TMPRSS5: variants seen among roughly 807,000 people sequenced by gnomAD.
The protein encoded by TMPRSS5 is transmembrane protease serine 5.
TMPRSS5 carries 45 observed loss-of-function variants against 59.7 expected under a neutral mutation model. The observed-to-expected ratio is 0.75, with a 90% confidence interval of 0.59 to 0.97. The LOEUF is 0.97. Among genes scored for constraint, TMPRSS5 ranks in the 50% least tolerant of loss-of-function variants. The pLI, the probability that TMPRSS5 is intolerant of heterozygous loss-of-function variation, is 0.00. For missense variants in TMPRSS5, 585 were observed against 596.7 expected (o/e 0.98, Z 0.20); for synonymous variants, 225 against 232.0 (o/e 0.97, Z 0.27).
chr11:113,699,219 C>T (rs1369498538), intron 3 of TMPRSS5, among the ~76,000 whole-genome samples, 192 bp from the exon 4 acceptor site: 1 of 26,774 alleles, frequency 3.7e-5, no homozygotes, highest in Non-Finnish European at 6.8e-5. Context: ...CTGTCTCTCT[C>T]TCTCTCTCTC....
intron 4 of TMPRSS5, among the ~76,000 whole-genome samples, chr11:113,698,163 AC>A (rs1952982410): frequency 6.6e-6 from 1 of 152,148 alleles, no homozygotes; most frequent in Admixed American, 6.6e-5. Flanking sequence ...ATTCCACAGC[AC>A]CTTGATCTTG....
Position 113,706,215 on chromosome 11 carries a change from A to T in TMPRSS5, c.3+7T>A, listed in dbSNP as rs1295453693. On this transcript the variant is annotated splice_region_variant and intron_variant, in intron 1 of 12. Transcript: ENST00000299882. ...ACAGCAGGGATGGCACAGAGACGTA[A>T]CCTTACCATAGGGGTCAGTGGCACT... is the stretch of plus-strand genomic sequence containing the variant. 8 of 1,600,936 alleles carry T rather than the reference A, an allele frequency of 5.0e-6. No homozygotes were observed. The Admixed American group carries it at 5.2e-5, about 10-fold the overall frequency.
intron 11 of TMPRSS5, 25 bp from the exon 12 acceptor site, chr11:113,689,942 CAG>C: frequency 6.6e-7 from 1 of 1,519,382 alleles, no homozygotes; most frequent in Admixed American, 2.1e-5. Context: ...CATGGAGACA[CAG>C]AGAAACAGCC....
chr11:113,699,673 G>T lies in TMPRSS5; in HGVS notation c.127C>A (p.Arg43Ser), dbSNP rs771917263. 3 of 1,580,162 alleles carry T rather than the reference G, an allele frequency of 1.9e-6. No homozygotes were observed. Among genetic ancestry groups the T allele is most frequent in the East Asian group, 2.3e-5 (1 of 43,014 alleles). The change falls in exon 3 of 13, where the codon CGT becomes AGT. Residue 43 changes from arginine to serine, a missense_variant. By Grantham distance (110) the Arg-to-Ser change is moderately radical (BLOSUM62 -1). Transcript: ENST00000299882. Reference protein sequence around the residue: ...QHPISQAVCWRSMRRGCAVLG... With the variant: ...QHPISQAVCWSSMRRGCAVLG... ...ACTGCACAGCCACGTCGCATGGAACGCCAGCACACTGCCTGAGAAACTGTG... is the reference window on the plus strand; with the variant it reads ...ACTGCACAGCCACGTCGCATGGAACTCCAGCACACTGCCTGAGAAACTGTG...
intron 12 of TMPRSS5, 23 bp downstream of exon 12, chr11:113,689,742 C>T (rs376449001): frequency 3.7e-6 from 6 of 1,604,258 alleles, no homozygotes; most frequent in Non-Finnish European, 5.1e-6. Flanking sequence ...ATCTCCCTGC[C>T]CTACTCCTGC....
Position 113,699,203 on chromosome 11 carries a change from GTCTGTCTGTCTCTCTCTCTCTCTCTC to G in TMPRSS5, c.206-202_206-177del, listed in dbSNP as rs1953021124. On this transcript the variant is annotated intron_variant, in intron 3 of 12. Transcript: ENST00000299882. The stretch of plus-strand genomic sequence containing the variant: ...ATCTCTGCCTCTTTGACTCTCCTTT[GTCTGTCTGTCTCTCTCTCTCTCTCTC>G]TCTCTCTCTCTCTCTCTCTCTCTCT... 8.2e-5 allele frequency among the ~76,000 whole-genome samples: 3 copies of G among 36,412 alleles called. 1 individual carries two copies. Among genetic ancestry groups the G allele is most frequent in the African/African-American group, 4.8e-4 (3 of 6,232 alleles). 23.9% of individuals were successfully genotyped at this position (36,412 alleles called of 152,430 possible).
intron 7 of TMPRSS5, among the ~76,000 whole-genome samples, chr11:113,695,026 G>A (rs1952888943): frequency 6.6e-6 from 1 of 151,904 alleles, no homozygotes; most frequent in African/African-American, 2.4e-5. Context: ...TTTGGTACCT[G>A]ATTCACCACC....
chr11:113,688,403 C>T, intron 12 of TMPRSS5, 129 bp from the exon 13 acceptor site: 1 of 663,460 alleles, frequency 1.5e-6, no homozygotes, highest in South Asian at 1.9e-5. Context: ...CTAAAAATAT[C>T]TGCTGCTCAA....
chr11:113,696,945 A>G lies in TMPRSS5; in HGVS notation c.491T>C (p.Leu164Pro), dbSNP rs761287679. ...GGAACTGTTGAGTTTGATGTCAGTG[A>G]GGTTTACTCCCTTGTGGTGAGTGAG... ...LRLTHHKGVN[L>P]TDIKLNSSQE... The change falls in exon 6 of 13, where the codon CTC becomes CCC. Residue 164 changes from leucine to proline, a missense_variant. Coordinates refer to ENST00000299882, the MANE Select transcript of TMPRSS5 (RefSeq NM_030770.4). 2 of 1,579,460 alleles carry G rather than the reference A, an allele frequency of 1.3e-6. No homozygotes were observed. The highest frequency in any genetic ancestry group is 3.6e-5 in the Admixed American group (2 of 54,934).
In TMPRSS5 at chr11:113,691,892, C is replaced by CTTTTTTTTTTTTTTTTTTTTTTT. The variant is rs58784708; in HGVS notation, c.965-954_965-953insAAAAAAAAAAAAAAAAAAAAAAA. On this transcript the variant is annotated intron_variant, in intron 9 of 12. Transcript: ENST00000299882. ...AGAAAGTTTTCTTTTCCTTTTTTTT[C>CTTTTTTTTTTTTTTTTTTTTTTT]TTTTTTTTTTTTTGAGACGGAGTCT... Among the ~76,000 whole-genome samples, 120 of 121,096 alleles carry CTTTTTTTTTTTTTTTTTTTTTTT rather than the reference C, an allele frequency of 9.9e-4. 3 individuals are homozygous for CTTTTTTTTTTTTTTTTTTTTTTT. The highest frequency in any genetic ancestry group is 2.8e-3 in the African/African-American group (77 of 27,486). The allele number at this position is 121,096 out of a possible 152,430, so 79.4% of individuals were successfully genotyped here.
intron 11 of TMPRSS5, 35 bp from the exon 12 acceptor site, chr11:113,689,952 G>T: frequency 6.6e-7 from 1 of 1,510,608 alleles, no homozygotes; most frequent in Non-Finnish European, 8.9e-7. Flanking sequence ...CAGAGAAACA[G>T]CCAGTTAGTT....
chr11:113,699,605 T>C lies in TMPRSS5; in HGVS notation c.195A>G (p.Ser65=), dbSNP rs1393718889. The change falls in exon 3 of 13, where the codon TCA becomes TCG. Residue 65 remains serine (S), a synonymous_variant. Coordinates refer to ENST00000299882, the MANE Select transcript of TMPRSS5 (RefSeq NM_030770.4). ...LGLLAGAGVG[S]WLLVLYLCPA... Reference sequence around the variant, plus strand: ...GCCCCCAGCACTGACCTAGGAGCCATGAGCCAACACCTGCACCGGCCAGCA... The same window carrying C: ...GCCCCCAGCACTGACCTAGGAGCCACGAGCCAACACCTGCACCGGCCAGCA... 1.9e-6 allele frequency: 3 copies of C among 1,576,250 alleles called. No individual in the cohort carries two copies. In the South Asian group the frequency reaches 3.5e-5, roughly 18 times the overall value.
At chr11:113,705,964 G>A (rs768614774) in intron 1 of TMPRSS5, among the ~76,000 whole-genome samples, 4 of 152,184 alleles carry the variant, frequency 2.6e-5, no homozygotes, top group Non-Finnish European at 5.9e-5. Flanking sequence ...GAAGTTCAAC[G>A]TAATAACGAT....
At chr11:113,699,223 C>T (rs916899477) in intron 3 of TMPRSS5, among the ~76,000 whole-genome samples, 196 bp from the exon 4 acceptor site, 1 of 39,218 alleles carries the variant, frequency 2.5e-5, no homozygotes, top group Non-Finnish European at 4.5e-5. Flanking sequence ...CTCTCTCTCT[C>T]TCTCTCTCTC....
rs765015736 is a variant in TMPRSS5 at position 113,690,277 on chromosome 11, CG to C, written c.1159del (p.Arg387AlafsTer23). 3 of 1,567,126 alleles carry C rather than the reference CG, an allele frequency of 1.9e-6. No individual in the cohort carries two copies. Among genetic ancestry groups the C allele is most frequent in the South Asian group, 1.2e-5 (1 of 84,688 alleles). ...GTCCAGGTAGCCAGCGCAAAGCATG[CG>C]GGGGGTGAGGGCTCCGCTGTACACG... ...SCVYSGALTP[R>X]MLCAGYLDGR... On this transcript the variant is annotated frameshift_variant, in exon 11 of 13. Coordinates refer to ENST00000299882, the MANE Select transcript of TMPRSS5 (RefSeq NM_030770.4). LOFTEE classifies it high-confidence loss of function.
At chr11:113,696,382 T>C (rs977564441) in intron 6 of TMPRSS5, among the ~76,000 whole-genome samples, 2 of 152,164 alleles carry the variant, frequency 1.3e-5, no homozygotes, top group African/African-American at 4.8e-5. Flanking sequence ...TAGGAGACTC[T>C]CCAGACTACA....
rs1419579472 is a variant in TMPRSS5, at chr11:113,694,533, C to A, written c.730G>T (p.Gly244Trp). The change falls in exon 8 of 13, where the codon GGG becomes TGG. Residue 244 changes from glycine (G) to tryptophan (W), a missense_variant. Coordinates refer to ENST00000299882, the MANE Select transcript of TMPRSS5 (RefSeq NM_030770.4). ...CAGCGTGGCGCTAGCACAGAGCCCC[C>A]ACACGTGTGCCGGAAGCCCAGGGCC... ...SVALGFRHTC[G>W]GSVLAPRWVV... is the part of the protein sequence containing the mutation. The A allele has an allele frequency of 5.1e-6, 8 of 1,561,352 alleles. No homozygotes were observed. The South Asian group carries it at 7.1e-5, about 14-fold the overall frequency.
Position 113,689,871 on chromosome 11 carries a change from C to G in TMPRSS5, c.1253G>C (p.Arg418Pro). Residue 418 changes from arginine to proline, a missense_variant, in exon 12 of 13, where the codon CGC (arginine) becomes CCC (proline). Transcript: ENST00000299882. ...PLVCPDGDTW[R>P]LVGVVSWGRG... ...CCCCCAGCTGACCACCCCCACTAGG[C>G]GCCATGTGTCCCCATCTGGGCACAC... is the stretch of plus-strand genomic sequence containing the variant. The G allele has an allele frequency of 4.4e-6, 7 of 1,578,546 alleles. No individual in the cohort carries two copies. The South Asian group carries it at 7.0e-5, about 16-fold the overall frequency.
chr11:113,700,283 G>A, intron 1 of TMPRSS5, 115 bp from the exon 2 acceptor site: 1 of 940,136 alleles, frequency 1.1e-6, no homozygotes, highest in Non-Finnish European at 1.6e-6. Context: ...ATTGCCACTT[G>A]TAAACCTCTA....
Sources: allele counts gnomAD v4.1 joint callset (sites outside exome capture counted in the v4.1 genomes callset), GRCh38; gene constraint gnomAD v4.1.1; transcripts MANE v1.5; gene names NCBI Gene and HGNC (gene_info 2026-07-23, HGNC 2026-07-21).